Variants in PPP3CA observed in about 807,000 individuals in gnomAD.
The protein encoded by PPP3CA is protein phosphatase 3 catalytic subunit alpha.
In PPP3CA, 14 loss-of-function variants were observed where a neutral mutation model predicts 66.5. The ratio of observed to expected loss-of-function variants is 0.21; its 90% CI spans 0.14 to 0.33. The LOEUF (loss-of-function observed/expected upper bound fraction) is 0.33. PPP3CA is among the 10% of genes least tolerant of loss of function. PPP3CA has a pLI of 1.00. For missense variants in PPP3CA, 317 were observed against 639.5 expected, an observed-to-expected ratio of 0.50 and a Z score of 5.44; for synonymous variants, 232 against 226.2, an observed-to-expected ratio of 1.03 and a Z score of -0.23.
chr4:101,229,695 G>A (rs1051592256), intron 1 of PPP3CA, among the ~76,000 whole-genome samples: 3 of 151,452 alleles, frequency 2.0e-5, no homozygotes, highest in African/African-American at 7.3e-5. Flanking sequence ...TATAACCCTT[G>A]GGCCAAATGT....
chr4:101,257,330 CT>C (rs11314056), intron 1 of PPP3CA, among the ~76,000 whole-genome samples: 47,467 of 138,446 alleles, frequency 0.34, 8,479 homozygotes, highest in East Asian at 0.66. Flanking sequence ...ATGTATGAGA[CT>C]TTTTTTTTTT....
At chr4:101,146,723 G>A (rs1722982705) in intron 2 of PPP3CA, among the ~76,000 whole-genome samples, 1 of 152,228 alleles carries the variant, frequency 6.6e-6, no homozygotes, top group Non-Finnish European at 1.5e-5. Flanking sequence ...TTACAGGTGT[G>A]AGCCACCACG....
chr4:101,305,415 A>G (rs1438445123), intron 1 of PPP3CA, among the ~76,000 whole-genome samples: 1 of 152,210 alleles, frequency 6.6e-6, no homozygotes, highest in Non-Finnish European at 1.5e-5. Flanking sequence ...TTGTTTATGG[A>G]AATGTCTTTA....
chr4:101,304,266 T>A (rs1037262338), intron 1 of PPP3CA, among the ~76,000 whole-genome samples: 3 of 152,238 alleles, frequency 2.0e-5, no homozygotes, highest in African/African-American at 7.2e-5. Context: ...ACTTGGAATT[T>A]CCTTATAGTA....
chr4:101,197,412 C>T (rs960511269), intron 1 of PPP3CA, among the ~76,000 whole-genome samples: 3 of 152,208 alleles, frequency 2.0e-5, no homozygotes, highest in African/African-American at 7.2e-5. Flanking sequence ...TTTCACTATG[C>T]TGTCATATTG....
chr4:101,292,102 ACACAC>A (rs1728047589), intron 1 of PPP3CA, among the ~76,000 whole-genome samples: 4 of 150,756 alleles, frequency 2.7e-5, no homozygotes, highest in Non-Finnish European at 5.9e-5. Flanking sequence ...ACACACACAC[ACACAC>A]ACACACACAC....
chr4:101,026,946 C>A (rs1031849327), intron 13 of PPP3CA, among the ~76,000 whole-genome samples: 7 of 152,230 alleles, frequency 4.6e-5, no homozygotes, highest in African/African-American at 1.7e-4. Context: ...TGGTTTTGGT[C>A]CTATTCAATT....
intron 1 of PPP3CA, among the ~76,000 whole-genome samples, chr4:101,276,626 T>G: frequency 6.6e-6 from 1 of 152,188 alleles, no homozygotes; most frequent in East Asian, 1.9e-4. Flanking sequence ...CATCCCATCA[T>G]GCATTCATGT....
intron 2 of PPP3CA, among the ~76,000 whole-genome samples, chr4:101,132,806 T>C (rs2110284141): frequency 6.6e-6 from 1 of 152,130 alleles, no homozygotes; most frequent in Middle Eastern, 3.4e-3. Flanking sequence ...AAAAAGAAAA[T>C]TTCAGGCCAA....
chr4:101,287,790 G>C (rs552405214), intron 1 of PPP3CA, among the ~76,000 whole-genome samples: 1 of 150,022 alleles, frequency 6.7e-6, no homozygotes, highest in South Asian at 2.1e-4. Flanking sequence ...TAATTGATGT[G>C]AGGAAAGTGC....
At chr4:101,238,285 T>C (rs912127255) in intron 1 of PPP3CA, among the ~76,000 whole-genome samples, 1 of 152,100 alleles carries the variant, frequency 6.6e-6, no homozygotes, top group Admixed American at 6.6e-5. Flanking sequence ...AATATAATTA[T>C]TATCTTAATT....
intron 2 of PPP3CA, among the ~76,000 whole-genome samples, chr4:101,191,081 G>T (rs187600976): frequency 6.6e-6 from 1 of 152,184 alleles, no homozygotes; most frequent in Non-Finnish European, 1.5e-5. Context: ...TTCAGTTTAG[G>T]TTCTTAAACC....
chr4:101,341,584 A>G (rs566327281), intron 1 of PPP3CA, among the ~76,000 whole-genome samples: 6 of 152,290 alleles, frequency 3.9e-5, no homozygotes, highest in African/African-American at 1.4e-4. Context: ...GGCAGTGGAC[A>G]AAGTGTTAAC....
At chr4:101,114,902 G>A (rs961986408) in intron 2 of PPP3CA, among the ~76,000 whole-genome samples, 3 of 151,904 alleles carry the variant, frequency 2.0e-5, no homozygotes, top group Non-Finnish European at 4.4e-5. Flanking sequence ...TATCACTGTT[G>A]GAAAGCTATA....
intron 12 of PPP3CA, among the ~76,000 whole-genome samples, chr4:101,030,489 G>A (rs562708972): frequency 1.3e-5 from 2 of 152,098 alleles, no homozygotes; most frequent in South Asian, 4.2e-4. Context: ...TATATAGTAA[G>A]TTTTCAAACC....
chr4:101,216,537 T>C (rs1725460614), intron 1 of PPP3CA, among the ~76,000 whole-genome samples: 1 of 152,028 alleles, frequency 6.6e-6, no homozygotes, highest in Admixed American at 6.6e-5. Flanking sequence ...AAACTTTCCT[T>C]TATTTTTTTT....
At chr4:101,174,060 TAAAC>T (rs773319849) in intron 2 of PPP3CA, among the ~76,000 whole-genome samples, 2 of 150,352 alleles carry the variant, frequency 1.3e-5, no homozygotes, top group Non-Finnish European at 3.0e-5. Context: ...TTAAAACAAA[TAAAC>T]AAACAAACAA....
chr4:101,071,015 G>A (rs1728895462), intron 8 of PPP3CA, among the ~76,000 whole-genome samples: 1 of 152,108 alleles, frequency 6.6e-6, no homozygotes, highest in South Asian at 2.1e-4. Flanking sequence ...GCTAAAGTGA[G>A]GCTTACACAA....
intron 11 of PPP3CA, among the ~76,000 whole-genome samples, chr4:101,037,581 T>C (rs1727308232): frequency 6.6e-6 from 1 of 151,790 alleles, no homozygotes; most frequent in Non-Finnish European, 1.5e-5. Context: ...GCTTCCTAAA[T>C]GGTTTTTTTT....
Sources: gnomAD v4.1 joint callset for allele counts (sites outside exome capture counted in the v4.1 genomes callset) on GRCh38, gnomAD v4.1.1 for gene constraint, MANE v1.5 for transcripts, NCBI Gene and HGNC (gene_info 2026-07-23, HGNC 2026-07-21) for gene names.